ZNF804B: variants seen among roughly 807,000 people sequenced by gnomAD.
ZNF804B encodes the protein zinc finger 804B.
Under a neutral mutation model 101.4 loss-of-function variants are expected in ZNF804B, and 80 were observed. The ratio of observed to expected loss-of-function variants is 0.79; its 90% CI spans 0.66 to 0.95. The LOEUF is 0.95. Ranked by LOEUF, ZNF804B falls within the 40% of genes least tolerant of loss-of-function variation. ZNF804B has a pLI of 0.00. For missense variants in ZNF804B, 1,673 were observed against 1,561.9 expected, an observed-to-expected ratio of 1.07 and a Z score of -1.20; for synonymous variants, 622 against 558.8, an observed-to-expected ratio of 1.11 and a Z score of -1.59.
intron 2 of ZNF804B, among the ~76,000 whole-genome samples, chr7:89,229,318 G>A (rs774088958): frequency 2.0e-5 from 3 of 152,198 alleles, no homozygotes; most frequent in Non-Finnish European, 4.4e-5. Context: ...ACTCAACTCT[G>A]AGATGTCTAC....
intron 1 of ZNF804B, among the ~76,000 whole-genome samples, chr7:88,888,501 A>G (rs1792168168): frequency 6.6e-6 from 1 of 152,180 alleles, no homozygotes; most frequent in South Asian, 2.1e-4. Context: ...ATGTTTACAG[A>G]CACCGTATCC....
chr7:89,068,709 T>A (rs554626734), intron 1 of ZNF804B, among the ~76,000 whole-genome samples: 111 of 152,322 alleles, frequency 7.3e-4, no homozygotes, highest in African/African-American at 2.6e-3. Flanking sequence ...CCTTTATAAA[T>A]CTACATTGTG....
intron 1 of ZNF804B, among the ~76,000 whole-genome samples, chr7:89,028,045 C>T (rs994356876): frequency 1.3e-5 from 2 of 152,306 alleles, no homozygotes; most frequent in South Asian, 4.1e-4. Context: ...TACATATTTA[C>T]TCAACCCATG....
intron 1 of ZNF804B, among the ~76,000 whole-genome samples, chr7:88,951,178 C>T (rs1423078269): frequency 8.6e-5 from 13 of 151,946 alleles, no homozygotes; most frequent in Admixed American, 5.3e-4. Flanking sequence ...GACCATACAT[C>T]GGAAGGATGA....
intron 1 of ZNF804B, among the ~76,000 whole-genome samples, chr7:88,805,884 C>T (rs1562798914): frequency 6.6e-6 from 1 of 151,912 alleles, no homozygotes; most frequent in Non-Finnish European, 1.5e-5. Flanking sequence ...AATAGTGGTA[C>T]GTGTTCCAAG....
At chr7:89,193,860 T>G in intron 1 of ZNF804B, among the ~76,000 whole-genome samples, 1 of 152,126 alleles carries the variant, frequency 6.6e-6, no homozygotes, top group Non-Finnish European at 1.5e-5. Flanking sequence ...ATGGTATTTC[T>G]AGTTCTAGAT....
chr7:88,974,816 C>T (rs913254691), intron 1 of ZNF804B, among the ~76,000 whole-genome samples: 1 of 151,228 alleles, frequency 6.6e-6, no homozygotes, highest in African/African-American at 2.4e-5. Flanking sequence ...TACTTTATTA[C>T]AAAATGTATA....
chr7:88,795,028 A>G (rs1334031056), intron 1 of ZNF804B: 2 of 1,131,836 alleles, frequency 1.8e-6, no homozygotes, highest in Non-Finnish European at 2.4e-6. Context: ...TTACTGATGA[A>G]CTCGTGTTTT....
intron 1 of ZNF804B, among the ~76,000 whole-genome samples, chr7:89,125,392 G>C (rs1790463587): frequency 6.6e-6 from 1 of 151,520 alleles, no homozygotes; most frequent in South Asian, 2.1e-4. Context: ...AATAATTTAT[G>C]CCTGGACTAA....
rs745309223 is a variant in ZNF804B, at chr7:89,335,105, A to G, written c.2123A>G (p.Tyr708Cys). The change falls in exon 4 of 4, where the codon TAT (tyrosine) becomes TGT (cysteine). Residue 708 changes from tyrosine to cysteine, a missense_variant. Physicochemically the swap from Tyr to Cys is radical, Grantham distance 194. Coordinates refer to ENST00000333190, the MANE Select transcript of ZNF804B (RefSeq NM_181646.5). Reference protein sequence around the residue: ...RYSPQSCLSRYSSSLDTSPSS... With the variant: ...RYSPQSCLSRCSSSLDTSPSS... The stretch of plus-strand genomic sequence containing the variant: ...TCTCCACAGTCATGTTTGAGTAGAT[A>G]TTCTTCCTCTTTGGACACATCCCCT... The G allele has an allele frequency of 1.2e-6, 2 of 1,613,864 alleles. No individual in the cohort carries two copies. The highest frequency in any genetic ancestry group is 8.5e-7 in the Non-Finnish European group (1 of 1,179,922).
intron 1 of ZNF804B, among the ~76,000 whole-genome samples, chr7:89,104,170 G>C (rs990509128): frequency 6.6e-6 from 1 of 151,910 alleles, no homozygotes; most frequent in Non-Finnish European, 1.5e-5. Context: ...ATGTTCATCA[G>C]GGTTATTGGC....
At chr7:89,059,325 A>C (rs1165565354) in intron 1 of ZNF804B, among the ~76,000 whole-genome samples, 1 of 152,204 alleles carries the variant, frequency 6.6e-6, no homozygotes, top group Non-Finnish European at 1.5e-5. Flanking sequence ...CACATTCTGC[A>C]GGCTGTACAG....
At chr7:88,988,559 A>G (rs986352786) in intron 1 of ZNF804B, among the ~76,000 whole-genome samples, 1 of 152,178 alleles carries the variant, frequency 6.6e-6, no homozygotes, top group African/African-American at 2.4e-5. Flanking sequence ...TCAGACAAGG[A>G]GTGTAGATGG....
At chr7:89,330,208 G>C (rs1022758984) in intron 3 of ZNF804B, among the ~76,000 whole-genome samples, 1 of 151,652 alleles carries the variant, frequency 6.6e-6, no homozygotes, top group African/African-American at 2.4e-5. Flanking sequence ...TGCAACTGTG[G>C]TTTCAAGGGG....
At chr7:89,267,423 AAGC>A (rs1789814374) in intron 2 of ZNF804B, among the ~76,000 whole-genome samples, 1 of 152,168 alleles carries the variant, frequency 6.6e-6, no homozygotes. Flanking sequence ...GAAAAGACCA[AAGC>A]AATAATTAGT....
intron 1 of ZNF804B, among the ~76,000 whole-genome samples, chr7:88,798,526 C>T (rs954135798): frequency 6.6e-6 from 1 of 152,046 alleles, no homozygotes; most frequent in African/African-American, 2.4e-5. Context: ...GATGGTTTGA[C>T]ATCTTTATTC....
At chr7:89,194,403 A>G (rs1788511737) in intron 1 of ZNF804B, among the ~76,000 whole-genome samples, 1 of 150,500 alleles carries the variant, frequency 6.6e-6, no homozygotes. Context: ...TATGTCCTGA[A>G]TGGTAATGCC....
At chr7:89,003,497 G>T (rs1337150208) in intron 1 of ZNF804B, among the ~76,000 whole-genome samples, 1 of 151,890 alleles carries the variant, frequency 6.6e-6, no homozygotes, top group Non-Finnish European at 1.5e-5. Flanking sequence ...CCTTTTACTT[G>T]CAGTTCCTAG....
intron 1 of ZNF804B, among the ~76,000 whole-genome samples, chr7:89,065,857 C>A (rs535810462): frequency 5.3e-5 from 8 of 152,240 alleles, no homozygotes; most frequent in South Asian, 2.1e-4. Context: ...AAGACTCTTA[C>A]AACTTCCTTA....
Sources: allele counts gnomAD v4.1 joint callset (sites outside exome capture counted in the v4.1 genomes callset), GRCh38; gene constraint gnomAD v4.1.1; transcripts MANE v1.5; gene names NCBI Gene and HGNC (gene_info 2026-07-23, HGNC 2026-07-21).